Variants in CADPS2 observed in about 807,000 individuals in gnomAD.
The protein encoded by CADPS2 is calcium dependent secretion activator 2.
A neutral mutation model predicts 172.5 loss-of-function variants in CADPS2; 93 were observed. The ratio of observed to expected loss-of-function variants is 0.54; its 90% CI spans 0.46 to 0.64. The LOEUF (loss-of-function observed/expected upper bound fraction) is 0.64. Ranked by LOEUF, CADPS2 falls within the 30% of genes least tolerant of loss-of-function variation. The pLI is 0.00. For missense variants in CADPS2, 1,420 were observed against 1,565.9 expected, an observed-to-expected ratio of 0.91 and a Z score of 1.57; for synonymous variants, 546 against 555.2, an observed-to-expected ratio of 0.98 and a Z score of 0.23.
intron 2 of CADPS2, among the ~76,000 whole-genome samples, chr7:122,717,977 ATTTTTTTTTTTTTTTTTTTTT>A (rs36154725): frequency 3.4e-5 from 3 of 87,176 alleles, no homozygotes; most frequent in Admixed American, 1.9e-4. Context: ...CACTCGGCTA[ATTTTTTTTTTTTTTTTTTTTT>A]TTTTTTTTTT....
intron 7 of CADPS2, among the ~76,000 whole-genome samples, chr7:122,573,402 T>C (rs980770895): frequency 6.6e-6 from 1 of 151,946 alleles, no homozygotes; most frequent in African/African-American, 2.4e-5. Context: ...TGGCTGGGCA[T>C]AGTGGCATAC....
At chr7:122,463,200 C>A (rs1202374851) in intron 14 of CADPS2, among the ~76,000 whole-genome samples, 1 of 151,978 alleles carries the variant, frequency 6.6e-6, no homozygotes, top group Non-Finnish European at 1.5e-5. Context: ...ACATATTTGG[C>A]CACAAAGGAA....
intron 2 of CADPS2, among the ~76,000 whole-genome samples, chr7:122,728,152 T>C (rs2091291161): frequency 6.6e-6 from 1 of 151,846 alleles, no homozygotes; most frequent in Non-Finnish European, 1.5e-5. Flanking sequence ...CAAAGTAAAA[T>C]GACAAAAATT....
intron 2 of CADPS2, among the ~76,000 whole-genome samples, chr7:122,693,944 A>G (rs1307157185): frequency 1.3e-5 from 2 of 152,244 alleles, no homozygotes; most frequent in Non-Finnish European, 2.9e-5. Flanking sequence ...AGCCTGGGTG[A>G]CAGAGGAAGA....
At chr7:122,323,780 A>G (rs2033116249) in intron 29 of CADPS2, among the ~76,000 whole-genome samples, 1 of 151,020 alleles carries the variant, frequency 6.6e-6, no homozygotes, top group Non-Finnish European at 1.5e-5. Flanking sequence ...GGTTTATCAT[A>G]AGGATAAACA....
At chr7:122,351,442 CTTTT>C (rs377471393) in intron 27 of CADPS2, among the ~76,000 whole-genome samples, 17 of 124,058 alleles carry the variant, frequency 1.4e-4, no homozygotes, top group Non-Finnish European at 2.2e-4. Context: ...AGCCAGTTAA[CTTTT>C]TTTTTTGTTA....
At chr7:122,762,014 AT>A (rs68008900) in intron 1 of CADPS2, among the ~76,000 whole-genome samples, 21,610 of 86,280 alleles carry the variant, frequency 0.25, 2,005 homozygotes, top group Middle Eastern at 0.33. Flanking sequence ...AAAAAAAAAA[AT>A]ATATATATAT....
chr7:122,690,815 C>A (rs747341816), intron 2 of CADPS2, among the ~76,000 whole-genome samples: 5 of 152,204 alleles, frequency 3.3e-5, no homozygotes, highest in Non-Finnish European at 7.3e-5. Flanking sequence ...GAGTTTAGCT[C>A]ATTAGCTACT....
intron 1 of CADPS2, among the ~76,000 whole-genome samples, chr7:122,822,321 T>C (rs1803553534): frequency 6.6e-6 from 1 of 152,090 alleles, no homozygotes; most frequent in Non-Finnish European, 1.5e-5. Flanking sequence ...AATCATTCTA[T>C]AAGACAAATG....
At chr7:122,852,066 T>C (rs2141118835) in intron 1 of CADPS2, among the ~76,000 whole-genome samples, 1 of 152,316 alleles carries the variant, frequency 6.6e-6, no homozygotes, top group African/African-American at 2.4e-5. Context: ...AATCCAGAAG[T>C]CTTTACTGAC....
At chr7:122,524,582 C>T (rs1052108633) in intron 8 of CADPS2, among the ~76,000 whole-genome samples, 8 of 152,106 alleles carry the variant, frequency 5.3e-5, no homozygotes, top group Non-Finnish European at 8.8e-5. Context: ...TTAAGGACTT[C>T]TAAGAGCCTG....
chr7:122,535,875 T>A (rs2062216325), intron 8 of CADPS2, among the ~76,000 whole-genome samples: 1 of 152,032 alleles, frequency 6.6e-6, no homozygotes, highest in Non-Finnish European at 1.5e-5. Context: ...TAATACTTTA[T>A]CAAGCATTTG....
At chr7:122,679,422 C>T (rs1356302260) in intron 2 of CADPS2, among the ~76,000 whole-genome samples, 1 of 152,120 alleles carries the variant, frequency 6.6e-6, no homozygotes, top group African/African-American at 2.4e-5. Flanking sequence ...GTTCTCTGCT[C>T]TTGAATCCTG....
In CADPS2 at chr7:122,886,000, T is replaced by C; in HGVS notation, c.338A>G (p.Lys113Arg). ...QPTDMARRQQKLNKQQLQLLK... is the reference protein window; with the variant it reads ...QPTDMARRQQRLNKQQLQLLK... Reference sequence around the variant, plus strand: ...GAGGCGCCCGGTCCCGCAACTCACCTTCTGCTGCCTCCGGGCCATGTCGGT... The same window carrying C: ...GAGGCGCCCGGTCCCGCAACTCACCCTCTGCTGCCTCCGGGCCATGTCGGT... The change falls in exon 1 of 30, where the codon AAG (lysine) becomes AGG (arginine). Residue 113 changes from lysine (K) to arginine (R), a missense_variant and splice_region_variant. Physicochemically the swap from Lys to Arg is conservative, Grantham distance 26 (BLOSUM62 2). Transcript: ENST00000449022. 6.2e-7 allele frequency: 1 copy of C among 1,604,100 alleles called. No homozygotes were observed.
intron 17 of CADPS2, chr7:122,426,113 G>A (rs747070194): frequency 5.9e-5 from 9 of 152,224 alleles, no homozygotes; most frequent in Non-Finnish European, 1.3e-4. Flanking sequence ...GGAAAGAGAA[G>A]ATATTTGGAG....
chr7:122,389,244 G>A (rs2044074160), intron 22 of CADPS2, among the ~76,000 whole-genome samples: 1 of 152,008 alleles, frequency 6.6e-6, no homozygotes, highest in South Asian at 2.1e-4. Context: ...AGATGAGACA[G>A]GAACTGGAAA....
In CADPS2 at chr7:122,490,279, G is replaced by A. The variant is rs745552426; in HGVS notation, c.1654C>T (p.Leu552Phe). The A allele has an allele frequency of 8.7e-6, 14 of 1,611,946 alleles. No individual in the cohort carries two copies. Among genetic ancestry groups the A allele is most frequent in the Middle Eastern group, 3.3e-4 (2 of 6,068 alleles). The change falls in exon 11 of 30, where the codon CTT becomes TTT. Residue 552 changes from leucine (L) to phenylalanine (F), a missense_variant and splice_region_variant. Coordinates refer to ENST00000449022, the MANE Select transcript of CADPS2 (RefSeq NM_017954.11). ...TVDYTDPHPG[L>F]QGGCMFFNAV... ...TTAAAGAACATACAACCACCCTGAA[G>A]GCCTGTGGAGGAAACAAAAAGACAT...
intron 1 of CADPS2, among the ~76,000 whole-genome samples, chr7:122,864,780 A>C (rs2141357006): frequency 6.6e-6 from 1 of 152,278 alleles, no homozygotes; most frequent in South Asian, 2.1e-4. Flanking sequence ...ACTCCTTCCA[A>C]CTTGTAGCTC....
rs539251593 is a variant in CADPS2 at position 122,376,200 on chromosome 7, T to C, written c.3387+3168A>G. Among the ~76,000 whole-genome samples the C allele has an allele frequency of 2.7e-4, 41 of 152,268 alleles. No homozygotes were observed. The South Asian group carries it at 6.0e-3, about 22-fold the overall frequency. On this transcript the variant is annotated intron_variant, in intron 25 of 29. Transcript: ENST00000449022. ...CAAAACATGAAAAATAGAACTACCATATGATTTAGCGATCCCATTAATGGG... is the reference window on the plus strand; with the variant it reads ...CAAAACATGAAAAATAGAACTACCACATGATTTAGCGATCCCATTAATGGG...
Sources: allele counts gnomAD v4.1 joint callset (sites outside exome capture counted in the v4.1 genomes callset), GRCh38; gene constraint gnomAD v4.1.1; transcripts MANE v1.5; gene names NCBI Gene and HGNC (gene_info 2026-07-23, HGNC 2026-07-21).